GLIS3: variants seen among roughly 807,000 people sequenced by gnomAD.
GLIS3 encodes the protein zinc finger protein GLIS3.
In GLIS3, 53 loss-of-function variants were observed where a neutral mutation model predicts 78.6. That is an observed-to-expected ratio of 0.67 (90% CI 0.54 to 0.85). GLIS3 has a LOEUF of 0.85. Ranked by LOEUF, GLIS3 falls within the 40% of genes least tolerant of loss-of-function variation. The probability of loss-of-function intolerance (pLI) is 0.00; values close to 1 mark genes in which losing one functional copy is unlikely to be tolerated. For missense variants in GLIS3, 1,703 were observed against 1,231.1 expected (o/e 1.38, Z -5.74); for synonymous variants, 684 against 509.9 (o/e 1.34, Z -4.60).
intron 2 of GLIS3, among the ~76,000 whole-genome samples, chr9:4,321,712 T>C (rs1019049510): frequency 1.4e-5 from 2 of 142,130 alleles, no homozygotes; most frequent in African/African-American, 6.0e-5. Context: ...TTTATTTTTA[T>C]TGGCAGTTTT....
intron 6 of GLIS3, among the ~76,000 whole-genome samples, chr9:3,912,927 C>A (rs1824248385): frequency 6.6e-6 from 1 of 152,244 alleles, no homozygotes; most frequent in African/African-American, 2.4e-5. Flanking sequence ...TCCTCTGACA[C>A]TGGTTCATTG....
chr9:3,848,354 T>G (rs56387536), intron 9 of GLIS3, among the ~76,000 whole-genome samples: 1 of 151,832 alleles, frequency 6.6e-6, no homozygotes, highest in East Asian at 1.9e-4. Flanking sequence ...TACAAAAAAT[T>G]AGCTGGGCGT....
chr9:3,836,006 G>C (rs997463136), intron 9 of GLIS3, among the ~76,000 whole-genome samples: 1 of 152,172 alleles, frequency 6.6e-6, no homozygotes, highest in Non-Finnish European at 1.5e-5. Flanking sequence ...GGGATACATA[G>C]AGATGTAATT....
At chr9:3,939,239 A>AACTACTTTAG (rs1826072328) in intron 4 of GLIS3, among the ~76,000 whole-genome samples, 1 of 152,168 alleles carries the variant, frequency 6.6e-6, no homozygotes, top group South Asian at 2.1e-4. Flanking sequence ...GAGAGCGGAG[A>AACTACTTTAG]ACTACTTTAG....
At chr9:4,431,265 A>G in the GLIS3 span, among the ~76,000 whole-genome samples, 2 of 152,240 alleles carry the variant, frequency 1.3e-5, no homozygotes, top group Non-Finnish European at 2.9e-5. Flanking sequence ...CATATTCGTG[A>G]ATCATGGAAA....
chr9:4,035,639 A>T (rs1410840661), intron 4 of GLIS3, among the ~76,000 whole-genome samples: 2 of 151,930 alleles, frequency 1.3e-5, no homozygotes, highest in Non-Finnish European at 2.9e-5. Flanking sequence ...TCTGTTATAC[A>T]TCTCCACCTG....
chr9:4,303,503 A>C (rs186607661), upstream of GLIS3, among the ~76,000 whole-genome samples: 20 of 152,324 alleles, frequency 1.3e-4, no homozygotes, highest in East Asian at 3.7e-3. Flanking sequence ...TGTCACAAGT[A>C]TGTTCAGCCC....
intron 7 of GLIS3, among the ~76,000 whole-genome samples, chr9:3,879,800 G>A (rs567709842): frequency 6.6e-5 from 10 of 152,136 alleles, no homozygotes; most frequent in Admixed American, 3.3e-4. Context: ...CGTCTGGCTC[G>A]CTTCAGGCTG....
At chr9:4,312,530 T>C (rs967500632) in intron 2 of GLIS3, among the ~76,000 whole-genome samples, 7 of 152,248 alleles carry the variant, frequency 4.6e-5, no homozygotes, top group South Asian at 2.1e-4. Flanking sequence ...TGCATGTACA[T>C]ACATGCCAAT....
At chr9:4,404,306 C>T in the GLIS3 span, among the ~76,000 whole-genome samples, 1 of 152,144 alleles carries the variant, frequency 6.6e-6, no homozygotes, top group Admixed American at 6.5e-5. Context: ...CAGCATTGCA[C>T]AGATCTGCCA....
chr9:4,277,343 C>G (rs908990440), intron 2 of GLIS3, among the ~76,000 whole-genome samples: 12 of 152,190 alleles, frequency 7.9e-5, no homozygotes, highest in Non-Finnish European at 1.2e-4. Flanking sequence ...AAGCTCTAAC[C>G]TAAGCTCTAG....
chr9:4,030,807 T>C (rs1463243538), intron 4 of GLIS3, among the ~76,000 whole-genome samples: 1 of 152,244 alleles, frequency 6.6e-6, no homozygotes, highest in Admixed American at 6.5e-5. Flanking sequence ...CCAGAAATGC[T>C]GACTTATCTG....
At chr9:4,077,550 A>G (rs1323686373) in intron 4 of GLIS3, among the ~76,000 whole-genome samples, 1 of 152,240 alleles carries the variant, frequency 6.6e-6, no homozygotes, top group African/African-American at 2.4e-5. Flanking sequence ...TCAACAACAG[A>G]ACAGGAAACC....
chr9:4,333,306 G>T (rs1817711973), intron 2 of GLIS3, among the ~76,000 whole-genome samples: 1 of 150,798 alleles, frequency 6.6e-6, no homozygotes, highest in African/African-American at 2.4e-5. Context: ...AGGGAAAAAG[G>T]AAGAGGAAAG....
At chr9:3,976,154 C>A (rs1456287723) in intron 4 of GLIS3, among the ~76,000 whole-genome samples, 1 of 152,020 alleles carries the variant, frequency 6.6e-6, no homozygotes, top group Non-Finnish European at 1.5e-5. Flanking sequence ...GCAATCCTGC[C>A]CCCATATGTT....
chr9:4,198,785 C>T (rs1239822823), intron 2 of GLIS3, among the ~76,000 whole-genome samples: 1 of 152,046 alleles, frequency 6.6e-6, no homozygotes, highest in African/African-American at 2.4e-5. Flanking sequence ...GTCAATGCTA[C>T]AGAAAAAATC....
the GLIS3 span, among the ~76,000 whole-genome samples, chr9:4,487,273 G>T: frequency 6.6e-6 from 1 of 152,134 alleles, no homozygotes; most frequent in African/African-American, 2.4e-5. Context: ...GGTGTTAAAA[G>T]ATGGTGTTAA....
At chr9:4,064,012 T>G (rs1340735324) in intron 4 of GLIS3, among the ~76,000 whole-genome samples, 3 of 152,156 alleles carry the variant, frequency 2.0e-5, no homozygotes, top group Non-Finnish European at 4.4e-5. Flanking sequence ...AAAGACTTTT[T>G]TTTTCAACTC....
chr9:4,032,376 G>A (rs573859110), intron 4 of GLIS3, among the ~76,000 whole-genome samples: 49 of 152,178 alleles, frequency 3.2e-4, no homozygotes, highest in African/African-American at 1.1e-3. Flanking sequence ...AACTTTCACA[G>A]AAGTCTATAA....
Sources: allele counts gnomAD v4.1 joint callset (sites outside exome capture counted in the v4.1 genomes callset), GRCh38; gene constraint gnomAD v4.1.1; transcripts MANE v1.5; gene names NCBI Gene and HGNC (gene_info 2026-07-23, HGNC 2026-07-21).